IFT57: variants seen among roughly 807,000 people sequenced by gnomAD.
IFT57 encodes intraflagellar transport protein 57 homolog.
In IFT57, 59 loss-of-function variants were observed where a neutral mutation model predicts 56.8. That is an observed-to-expected ratio of 1.04 (90% CI 0.84 to 1.29). The LOEUF (loss-of-function observed/expected upper bound fraction) is 1.29. Among genes scored for constraint, IFT57 ranks in the 50% most tolerant of loss-of-function variants. The probability of loss-of-function intolerance (pLI) is 0.00; values close to 1 mark genes in which losing one functional copy is unlikely to be tolerated. For missense variants in IFT57, 470 were observed against 522.1 expected, an observed-to-expected ratio of 0.90 and a Z score of 0.97; for synonymous variants, 209 against 186.1, an observed-to-expected ratio of 1.12 and a Z score of -1.00.
chr3:108,195,883 A>C (rs547509290), intron 5 of IFT57, among the ~76,000 whole-genome samples: 1 of 152,288 alleles, frequency 6.6e-6, no homozygotes, highest in East Asian at 1.9e-4. Context: ...AGTTATTTAA[A>C]ACTGCATTAG....
At chr3:108,163,377 T>C (rs1466982464) in intron 10 of IFT57, among the ~76,000 whole-genome samples, 3 of 152,254 alleles carry the variant, frequency 2.0e-5, no homozygotes, top group African/African-American at 7.2e-5. Context: ...CACAATATTA[T>C]TTTTTAAACT....
At chr3:108,172,268 A>G (rs2080097770) in intron 6 of IFT57, among the ~76,000 whole-genome samples, 1 of 151,816 alleles carries the variant, frequency 6.6e-6, no homozygotes, top group African/African-American at 2.4e-5. Context: ...AGGAAAATAC[A>G]TGGAGACCAA....
At chr3:108,202,483 C>T (rs1379388296) in intron 5 of IFT57, among the ~76,000 whole-genome samples, 3 of 152,200 alleles carry the variant, frequency 2.0e-5, no homozygotes, top group African/African-American at 7.2e-5. Context: ...TTTAATTCGG[C>T]ACCAGTGTCC....
At chr3:108,169,758 CT>C (rs1378477821) in intron 6 of IFT57, among the ~76,000 whole-genome samples, 1 of 151,962 alleles carries the variant, frequency 6.6e-6, no homozygotes, top group East Asian at 1.9e-4. Context: ...CAATAAAATA[CT>C]GGCAAACCAA....
intron 4 of IFT57, among the ~76,000 whole-genome samples, chr3:108,212,445 G>A (rs1229136439): frequency 6.6e-6 from 1 of 151,970 alleles, no homozygotes. Context: ...CCCCTCCTCT[G>A]CTTCTTCTCT....
intron 6 of IFT57, among the ~76,000 whole-genome samples, chr3:108,173,455 A>G (rs185651897): frequency 2.0e-5 from 3 of 151,966 alleles, no homozygotes; most frequent in Non-Finnish European, 4.4e-5. Flanking sequence ...TACACCCATC[A>G]TAAGCTAAAA....
intron 6 of IFT57, among the ~76,000 whole-genome samples, chr3:108,174,353 A>C (rs879742846): frequency 1.5e-4 from 23 of 151,650 alleles, no homozygotes; most frequent in Admixed American, 1.5e-3. Context: ...ATGAAGAAGA[A>C]GAAGTGGGTT....
At position 108,222,242 on chromosome 3, in the gene IFT57, T is replaced by G; in HGVS notation, c.81A>C (p.Glu27Asp). The change falls in exon 1 of 11, where the codon GAA (glutamate) becomes GAC (aspartate). Residue 27 changes from glutamate (E) to aspartate (D), a missense_variant. By Grantham distance (45) the Glu-to-Asp change is conservative (BLOSUM62 2). Coordinates refer to ENST00000264538, the MANE Select transcript of IFT57 (RefSeq NM_018010.4). ...VPRSRGEGTG[E>D]VVLERGPGAA... is the part of the protein sequence containing the mutation. ...CGCCGGGCCCCCGCTCCAAGACCAC[T>G]TCCCCGGTCCCTTCGCCACGGGACC... 6.2e-7 allele frequency: 1 copy of G among 1,613,992 alleles called. No homozygotes were observed. Among genetic ancestry groups the G allele is most frequent in the Non-Finnish European group, 8.5e-7 (1 of 1,179,972 alleles).
At chr3:108,173,997 A>ATGT (rs59994463) in intron 6 of IFT57, among the ~76,000 whole-genome samples, 1 of 100,720 alleles carries the variant, frequency 9.9e-6, no homozygotes, top group Non-Finnish European at 2.2e-5. Flanking sequence ...CATATATTTG[A>ATGT]GTGTGTGTGT....
intron 6 of IFT57, 140 bp from the exon 7 acceptor site, chr3:108,168,004 C>A: frequency 2.1e-6 from 1 of 474,588 alleles, no homozygotes. Context: ...AGCTTGCAAT[C>A]AGATTATAAA....
intron 6 of IFT57, among the ~76,000 whole-genome samples, chr3:108,174,377 A>G (rs896913665): frequency 1.3e-5 from 2 of 151,624 alleles, no homozygotes; most frequent in Non-Finnish European, 3.0e-5. Context: ...ATGATATGTA[A>G]GGACTTGAAA....
chr3:108,206,620 A>G lies in IFT57; in HGVS notation c.654+8T>C. The G allele has an allele frequency of 7.6e-7, 1 of 1,313,640 alleles. No individual in the cohort carries two copies. Among genetic ancestry groups the G allele is most frequent in the Admixed American group, 2.3e-5 (1 of 42,770 alleles). 81.4% of individuals were successfully genotyped at this position (1,313,640 alleles called of 1,614,324 possible). A position where few individuals can be genotyped will look rare whatever the true frequency, so the allele number is the denominator to read the frequency against. ...TTGTTGGTCCTGCATGTATCTGATG[A>G]AACTTACCAAGTGATATGTCTGGGC... On this transcript the variant is annotated splice_region_variant and intron_variant, in intron 5 of 10. Coordinates refer to ENST00000264538, the MANE Select transcript of IFT57 (RefSeq NM_018010.4).
chr3:108,218,716 T>A, intron 2 of IFT57, 63 bp from the exon 3 acceptor site: 1 of 784,684 alleles, frequency 1.3e-6, no homozygotes, highest in Non-Finnish European at 2.0e-6. Flanking sequence ...TCAAATATTT[T>A]AAGCAAAGAA....
chr3:108,186,175 C>A (rs912696867), intron 6 of IFT57, among the ~76,000 whole-genome samples: 2 of 152,030 alleles, frequency 1.3e-5, no homozygotes, highest in African/African-American at 4.8e-5. Flanking sequence ...AATGAAGATA[C>A]CATTGTTGTT....
At position 108,222,282 on chromosome 3, in the gene IFT57, T is replaced by A. The variant is rs754063023; in HGVS notation, c.41A>T (p.Glu14Val). 3.7e-6 allele frequency: 6 copies of A among 1,613,534 alleles called. No individual in the cohort carries two copies. The highest frequency in any genetic ancestry group is 5.1e-6 in the Non-Finnish European group (6 of 1,179,860). The change falls in exon 1 of 11, where the codon GAA becomes GTA. Residue 14 changes from glutamate to valine, a missense_variant. Transcript: ENST00000264538. Reference sequence around the variant, plus strand: ...GCCACGGGACCTAGGCACCCCATCTTCCAAACCCGACGTCGTGACGACGGC... The same window carrying A: ...GCCACGGGACCTAGGCACCCCATCTACCAAACCCGACGTCGTGACGACGGC... The part of the protein sequence containing the change: ...ALAVVTTSGL[E>V]DGVPRSRGEG...
At chr3:108,212,943 C>A (rs1320089404) in intron 4 of IFT57, among the ~76,000 whole-genome samples, 1 of 152,166 alleles carries the variant, frequency 6.6e-6, no homozygotes, top group Non-Finnish European at 1.5e-5. Context: ...ACCCCTGAGA[C>A]AACAAGACCA....
chr3:108,197,883 A>G (rs1180334308), intron 5 of IFT57, among the ~76,000 whole-genome samples: 2 of 152,192 alleles, frequency 1.3e-5, no homozygotes, highest in Non-Finnish European at 2.9e-5. Context: ...TAAAATGAGA[A>G]TAACAGCACC....
intron 6 of IFT57, among the ~76,000 whole-genome samples, chr3:108,169,102 C>T (rs2080078554): frequency 6.6e-6 from 1 of 152,008 alleles, no homozygotes; most frequent in South Asian, 2.1e-4. Flanking sequence ...CTAATTTACA[C>T]TCCCACCAAC....
Position 108,222,152 on chromosome 3 carries a change from C to T in IFT57, c.171G>A (p.Glu57=). 6.2e-7 allele frequency: 1 copy of T among 1,613,288 alleles called. No individual in the cohort carries two copies. Among genetic ancestry groups the T allele is most frequent in the Non-Finnish European group, 8.5e-7 (1 of 1,179,698 alleles). The part of the protein sequence containing the change: ...LVEKLKLLRY[E]EEFLRKSNLK... ...GGTTGCTCTTCCGGAGGAACTCCTC[C>T]TCGTAGCGGAGCAGCTTCAGCTTCT... is the stretch of plus-strand genomic sequence containing the variant. Residue 57 remains glutamate (E), a synonymous_variant, in exon 1 of 11, where the codon GAG becomes GAA. Transcript: ENST00000264538.
Sources: gnomAD v4.1 joint callset for allele counts (sites outside exome capture counted in the v4.1 genomes callset) on GRCh38, gnomAD v4.1.1 for gene constraint, MANE v1.5 for transcripts, NCBI Gene and HGNC (gene_info 2026-07-23, HGNC 2026-07-21) for gene names.